The following SAMD11 variants were observed in gnomAD, a reference collection of about 807,000 sequenced individuals.
The protein encoded by SAMD11 is sterile alpha motif domain containing 11.
Under a neutral mutation model 64.4 loss-of-function variants are expected in SAMD11, and 77 were observed. The observed-to-expected ratio is 1.20, with a 90% CI of 0.99 to 1.44. SAMD11 has a LOEUF of 1.44. Among genes scored for constraint, SAMD11 ranks in the 40% most tolerant of loss-of-function variants. SAMD11 has a pLI of 0.00. For synonymous variants in SAMD11, 658 were observed against 421.9 expected, an observed-to-expected ratio of 1.56 and a Z score of -6.86; for missense variants, 1,402 against 943.3, an observed-to-expected ratio of 1.49 and a Z score of -6.37.
chr1:937,081 C>T (rs1641495712), intron 5 of SAMD11, among the ~76,000 whole-genome samples: 2 of 152,164 alleles, frequency 1.3e-5, no homozygotes, highest in African/African-American at 4.8e-5. Context: ...CTCACGTGTC[C>T]TGGACCCGTG....
chr1:930,509 C>T (rs969211994), intron 3 of SAMD11, among the ~76,000 whole-genome samples, 173 bp downstream of exon 3: 2 of 152,156 alleles, frequency 1.3e-5, no homozygotes, highest in African/African-American at 2.4e-5. Context: ...CTCATCTGCC[C>T]CCTGTCTGGC....
intron 8 of SAMD11, 95 bp downstream of exon 8, chr1:941,401 A>T: frequency 8.0e-7 from 1 of 1,251,314 alleles, no homozygotes; most frequent in Non-Finnish European, 1.1e-6. Context: ...AGTGCCAAGC[A>T]CTGTGTTCAG....
intron 2 of SAMD11, among the ~76,000 whole-genome samples, chr1:926,327 G>A (rs1640889476): frequency 6.6e-6 from 1 of 152,252 alleles, no homozygotes; most frequent in South Asian, 2.1e-4. Context: ...TTCTCCCTGG[G>A]AGGAGTAATT....
chr1:933,833 T>C (rs1246136880), intron 4 of SAMD11, among the ~76,000 whole-genome samples: 1 of 150,912 alleles, frequency 6.6e-6, no homozygotes, highest in Non-Finnish European at 1.5e-5. Context: ...AGCCTGGGAG[T>C]CTTTGGTGCT....
At chr1:937,859 T>C (rs1157313218) in intron 5 of SAMD11, among the ~76,000 whole-genome samples, 2 of 152,208 alleles carry the variant, frequency 1.3e-5, no homozygotes, top group African/African-American at 2.4e-5. Flanking sequence ...GTGGGATTGA[T>C]CGGTGTGGCC....
chr1:941,412 C>G lies in SAMD11; in HGVS notation c.1358+106C>G, dbSNP rs553272505. On this transcript the variant is annotated intron_variant, in intron 8 of 13. Coordinates refer to ENST00000616016, the MANE Select transcript of SAMD11 (RefSeq NM_001385641.1). ...CGAGAGTGCCAAGCACTGTGTTCAG[C>G]TCTAGGTTCGGGTCCGGGCAGAGCG... 477 of 1,186,648 alleles carry G rather than the reference C, an allele frequency of 4.0e-4. 4 individuals carry two copies. In the South Asian group the frequency reaches 5.7e-3, roughly 14 times the overall value. The allele number at this position is 1,186,648 out of a possible 1,614,324, so 73.5% of individuals were successfully genotyped here. A position where few individuals can be genotyped will look rare whatever the true frequency, so the allele number is the denominator to read the frequency against.
rs939422702 is a variant in SAMD11, at chr1:944,430, G to C, written c.*277G>C. On this transcript the variant is annotated 3_prime_UTR_variant, in exon 14 of 14. Transcript: ENST00000616016. ...TCCCCCTGGAACTGGGACTGGTCTC[G>C]GTCTGCTGACGTCAGGGTCAGCTCC... is the stretch of plus-strand genomic sequence containing the variant. The C allele has an allele frequency of 1.8e-5, 19 of 1,057,084 alleles. No individual in the cohort carries two copies. The highest frequency in any genetic ancestry group is 1.5e-4 in the African/African-American group (9 of 60,572). The allele number at this position is 1,057,084 out of a possible 1,614,324, so 65.5% of individuals were successfully genotyped here.
At chr1:925,889 C>G (rs552703801) in intron 1 of SAMD11, 33 bp from the exon 2 acceptor site, 3 of 1,508,028 alleles carry the variant, frequency 2.0e-6, no homozygotes, top group Non-Finnish European at 2.8e-6. Context: ...GCGTGCCGCT[C>G]CCTCACAGGG....
chr1:937,039 G>A (rs990793792), intron 5 of SAMD11, among the ~76,000 whole-genome samples: 21 of 152,240 alleles, frequency 1.4e-4, no homozygotes, highest in African/African-American at 3.6e-4. Flanking sequence ...GGACGTGTTC[G>A]TGCACTTCCG....
intron 4 of SAMD11, 81 bp from the exon 5 acceptor site, chr1:935,691 G>C (rs575242519): frequency 1.3e-6 from 2 of 1,585,194 alleles, no homozygotes; most frequent in Middle Eastern, 1.7e-4. Flanking sequence ...CACACACAGA[G>C]CTAGGCACTC....
Position 943,234 on chromosome 1 carries a change from A to G in SAMD11, c.2054-19A>G, listed in dbSNP as rs1291411884. The G allele has an allele frequency of 1.2e-6, 2 of 1,612,466 alleles. No homozygotes were observed. The highest frequency in any genetic ancestry group is 1.7e-6 in the Non-Finnish European group (2 of 1,179,716). On this transcript the variant is annotated intron_variant, in intron 11 of 13. Coordinates refer to ENST00000616016, the MANE Select transcript of SAMD11 (RefSeq NM_001385641.1). Reference sequence around the variant, plus strand: ...TGGGAAAGCCAGCCAGAGCCCTAGTAACACGCCCCACAACTCAGGCGCGGT... The same window carrying G: ...TGGGAAAGCCAGCCAGAGCCCTAGTGACACGCCCCACAACTCAGGCGCGGT...
At chr1:943,229 C>A (rs368816198) in intron 11 of SAMD11, 24 bp from the exon 12 acceptor site, 2 of 1,612,330 alleles carry the variant, frequency 1.2e-6, no homozygotes, top group Non-Finnish European at 1.7e-6. Flanking sequence ...AGCCAGAGCC[C>A]TAGTAACACG....
chr1:938,991 C>T (rs746226678), intron 5 of SAMD11, 49 bp from the exon 6 acceptor site: 1 of 1,497,944 alleles, frequency 6.7e-7, no homozygotes, highest in South Asian at 1.2e-5. Flanking sequence ...GGGCTGGGTT[C>T]CCCTTCCATT....
chr1:937,195 C>T (rs573198535), intron 5 of SAMD11, among the ~76,000 whole-genome samples: 2 of 152,242 alleles, frequency 1.3e-5, no homozygotes, highest in South Asian at 4.2e-4. Flanking sequence ...TTCTCCCTTC[C>T]TGTGACCCCA....
chr1:944,477 G>C lies in SAMD11; in HGVS notation c.*324G>C, dbSNP rs1642027259. The C allele has an allele frequency of 2.8e-6, 2 of 705,868 alleles. No individual in the cohort carries two copies. The highest frequency in any genetic ancestry group is 3.7e-5 in the African/African-American group (2 of 54,376). 43.7% of individuals were successfully genotyped at this position (705,868 alleles called of 1,614,324 possible). Reference sequence around the variant, plus strand: ...CTCCCCCGCGGAGCTGACTTCAGCAGCCCACAGCTGTGGGGCTTCAGCAGC... The same window carrying C: ...CTCCCCCGCGGAGCTGACTTCAGCACCCCACAGCTGTGGGGCTTCAGCAGC... On this transcript the variant is annotated 3_prime_UTR_variant, in exon 14 of 14. Coordinates refer to ENST00000616016, the MANE Select transcript of SAMD11 (RefSeq NM_001385641.1).
chr1:935,919 G>A, intron 5 of SAMD11, 23 bp downstream of exon 5: 1 of 1,607,978 alleles, frequency 6.2e-7, no homozygotes. Flanking sequence ...GGGGGCCTGA[G>A]GGCGGGGTCG....
In SAMD11 at chr1:942,832, G is replaced by GT. The variant is rs1641872494; in HGVS notation, c.1828dup (p.Ser610PhefsTer8). 1 of 1,550,742 alleles carries GT rather than the reference G, an allele frequency of 6.4e-7. No individual in the cohort carries two copies. The highest frequency in any genetic ancestry group is 1.4e-5 in the African/African-American group (1 of 73,128). On this transcript the variant is annotated frameshift_variant, in exon 11 of 14. Transcript: ENST00000616016. LOFTEE classifies it high-confidence loss of function. ...GCCCTGCCTCAGCGCGGCCCAGCGA[G>GT]TCCAAGGAGATGACGGGGGCTAGGC...
chr1:926,740 C>A (rs1318667532), intron 2 of SAMD11, among the ~76,000 whole-genome samples: 1 of 152,112 alleles, frequency 6.6e-6, no homozygotes, highest in African/African-American at 2.4e-5. Flanking sequence ...CCTAGTTGGG[C>A]AGCAAGGGTT....
intron 5 of SAMD11, among the ~76,000 whole-genome samples, chr1:936,182 C>T (rs1197509825): frequency 6.6e-6 from 1 of 152,218 alleles, no homozygotes; most frequent in Non-Finnish European, 1.5e-5. Flanking sequence ...CTCAGAGGTT[C>T]AGAAACGCAC....
Sources: allele counts gnomAD v4.1 joint callset (sites outside exome capture counted in the v4.1 genomes callset), GRCh38; gene constraint gnomAD v4.1.1; transcripts MANE v1.5; gene names NCBI Gene and HGNC (gene_info 2026-07-23, HGNC 2026-07-21).